The following KHDRBS3 variants were observed in gnomAD, a reference collection of about 807,000 sequenced individuals.
The protein encoded by KHDRBS3 is KH RNA binding domain containing, signal transduction associated 3.
Under a neutral mutation model 45.6 loss-of-function variants are expected in KHDRBS3, and 23 were observed. The observed-to-expected ratio is 0.50, with a 90% CI of 0.36 to 0.72. The LOEUF is 0.72. Ranked by LOEUF, KHDRBS3 falls within the 30% of genes least tolerant of loss-of-function variation. The pLI, the probability that KHDRBS3 is intolerant of heterozygous loss-of-function variation, is 0.00. For synonymous variants in KHDRBS3, 162 were observed against 156.5 expected (o/e 1.04, Z -0.26); for missense variants, 352 against 424.8 (o/e 0.83, Z 1.51).
At chr8:135,654,708 A>G (rs904869012) in intron 4 of KHDRBS3, among the ~76,000 whole-genome samples, 4 of 152,114 alleles carry the variant, frequency 2.6e-5, no homozygotes, top group African/African-American at 9.7e-5. Flanking sequence ...TTACATCAGC[A>G]AGTGTATTGT....
At position 135,457,986 on chromosome 8, in the gene KHDRBS3, G is replaced by A. The variant is rs1179923460; in HGVS notation, c.88+32G>A. 1 of 1,551,832 alleles carries A rather than the reference G, an allele frequency of 6.4e-7. No individual in the cohort carries two copies. Among genetic ancestry groups the A allele is most frequent in the African/African-American group, 1.4e-5 (1 of 71,598 alleles). ...CGCCGGCCGTTAACTGCCGGCCGGC[G>A]GCGGTTGGGGGCCGGGTGGAAACGC... On this transcript the variant is annotated intron_variant, in intron 1 of 8. Transcript: ENST00000355849. This position sits in a 1 kb window ranked among gnomAD's most constrained non-coding sequence, Gnocchi z 4.4.
At chr8:135,548,426 G>A (rs758843247) in intron 3 of KHDRBS3, among the ~76,000 whole-genome samples, 1 of 152,194 alleles carries the variant, frequency 6.6e-6, no homozygotes, top group Non-Finnish European at 1.5e-5. Flanking sequence ...GGCAGTGGCT[G>A]CGGAGGGTTG....
intron 5 of KHDRBS3, among the ~76,000 whole-genome samples, chr8:135,580,092 A>G (rs1376854485): frequency 2.6e-5 from 4 of 152,130 alleles, no homozygotes; most frequent in Admixed American, 6.5e-5. Context: ...GTAGCCTCTG[A>G]GGGTGATTTA....
At chr8:135,655,703 C>T (rs1831518521) in intron 4 of KHDRBS3, among the ~76,000 whole-genome samples, 1 of 151,420 alleles carries the variant, frequency 6.6e-6, no homozygotes, top group African/African-American at 2.4e-5. Flanking sequence ...ACCACAATGG[C>T]CATTTCTCTG....
At chr8:135,589,183 C>A (rs1828624843) in intron 6 of KHDRBS3, among the ~76,000 whole-genome samples, 1 of 152,134 alleles carries the variant, frequency 6.6e-6, no homozygotes, top group Non-Finnish European at 1.5e-5. Flanking sequence ...ACAGAGGTTG[C>A]CATAGCCTCC....
At chr8:135,650,570 T>C (rs987773166), downstream of KHDRBS3, among the ~76,000 whole-genome samples, 6 of 151,328 alleles carry the variant, frequency 4.0e-5, no homozygotes, top group South Asian at 4.2e-4. Flanking sequence ...TTCACACTTA[T>C]GTTGCTCATG....
At chr8:135,495,110 T>C (rs1030408776) in intron 1 of KHDRBS3, among the ~76,000 whole-genome samples, 1 of 152,200 alleles carries the variant, frequency 6.6e-6, no homozygotes, top group African/African-American at 2.4e-5. Context: ...TCCCAGGTGT[T>C]TTAAACTATT....
At chr8:135,602,167 G>A (rs1354245877) in intron 6 of KHDRBS3, among the ~76,000 whole-genome samples, 1 of 152,192 alleles carries the variant, frequency 6.6e-6, no homozygotes, top group Non-Finnish European at 1.5e-5. Flanking sequence ...AATAGTAGAT[G>A]TTCAACAAGA....
At chr8:135,548,617 G>C in intron 3 of KHDRBS3, 137 bp from the exon 4 acceptor site, 1 of 586,046 alleles carries the variant, frequency 1.7e-6, no homozygotes, top group Non-Finnish European at 2.7e-6. Flanking sequence ...CTTTTTTAGA[G>C]TAGTGTCTAC....
intron 3 of KHDRBS3, among the ~76,000 whole-genome samples, chr8:135,546,297 TAA>T (rs1475552408): frequency 6.6e-6 from 1 of 152,226 alleles, no homozygotes; most frequent in Non-Finnish European, 1.5e-5. Flanking sequence ...TGTTTATTTC[TAA>T]AGAGATTCCC....
At chr8:135,556,847 A>G (rs1351108199) in intron 4 of KHDRBS3, among the ~76,000 whole-genome samples, 2 of 152,082 alleles carry the variant, frequency 1.3e-5, no homozygotes, top group Non-Finnish European at 2.9e-5. Flanking sequence ...ATATTTTGAT[A>G]ATAATTTAAG....
intron 1 of KHDRBS3, among the ~76,000 whole-genome samples, chr8:135,488,054 C>T (rs192616522): frequency 5.9e-5 from 9 of 152,242 alleles, no homozygotes; most frequent in Admixed American, 3.3e-4. Flanking sequence ...TGTCTATATA[C>T]ATGTGTATGT....
intron 1 of KHDRBS3, among the ~76,000 whole-genome samples, chr8:135,459,355 T>C (rs1821307708): frequency 6.6e-6 from 1 of 152,236 alleles, no homozygotes; most frequent in Non-Finnish European, 1.5e-5. Flanking sequence ...TCCCTCATTT[T>C]ATTTTAATTG....
chr8:135,532,132 C>T (rs988928104), intron 2 of KHDRBS3, among the ~76,000 whole-genome samples: 25 of 152,184 alleles, frequency 1.6e-4, no homozygotes, highest in African/African-American at 5.1e-4. Context: ...GCCATGGTCC[C>T]AAGTCCATTG....
At chr8:135,536,993 AAAAAGGAG>A (rs1825805657) in intron 2 of KHDRBS3, among the ~76,000 whole-genome samples, 6 of 16,494 alleles carry the variant, frequency 3.6e-4, no homozygotes, top group African/African-American at 1.1e-3. Flanking sequence ...AAAAAAAAAA[AAAAAGGAG>A]ATGTTTAGGA....
intron 1 of KHDRBS3, among the ~76,000 whole-genome samples, chr8:135,479,172 T>A (rs1822442420): frequency 6.6e-6 from 1 of 152,220 alleles, no homozygotes; most frequent in Admixed American, 6.5e-5. Context: ...GAAAGGATTA[T>A]AGGGAATACT....
intron 1 of KHDRBS3, among the ~76,000 whole-genome samples, chr8:135,468,906 G>A (rs1355741470): frequency 2.0e-5 from 3 of 152,180 alleles, no homozygotes; most frequent in Non-Finnish European, 4.4e-5. Flanking sequence ...AACATAATGT[G>A]CACAATATGC....
chr8:135,654,765 C>G (rs1022425838), intron 4 of KHDRBS3, among the ~76,000 whole-genome samples: 1 of 152,188 alleles, frequency 6.6e-6, no homozygotes, highest in Non-Finnish European at 1.5e-5. Context: ...AGTAAGGTGG[C>G]CACACCAGGG....
At chr8:135,533,010 AC>A (rs201744044) in intron 2 of KHDRBS3, among the ~76,000 whole-genome samples, 1,622 of 152,302 alleles carry the variant, frequency 0.011, 26 homozygotes, top group African/African-American at 0.035. Context: ...ATGTTTAGAT[AC>A]AGTGCAAGGT....
Sources: allele counts gnomAD v4.1 joint callset (sites outside exome capture counted in the v4.1 genomes callset), GRCh38; gene constraint gnomAD v4.1.1; non-coding constraint Gnocchi (gnomAD v3.1); transcripts MANE v1.5; gene names NCBI Gene and HGNC (gene_info 2026-07-23, HGNC 2026-07-21).